Variants in NDE1 observed in about 807,000 individuals in gnomAD.
NDE1 encodes the protein nuclear distribution protein nudE homolog 1.
In NDE1, 28 loss-of-function variants were observed where a neutral mutation model predicts 43.4. The observed-to-expected ratio is 0.65, with a 90% confidence interval of 0.48 to 0.89. The LOEUF is 0.89. Among genes scored for constraint, NDE1 ranks in the 40% least tolerant of loss-of-function variants. NDE1 has a pLI of 0.00. For synonymous variants in NDE1, 184 were observed against 172.0 expected (o/e 1.07, Z -0.55); for missense variants, 441 against 434.1 (o/e 1.02, Z -0.14).
chr16:15,721,900 C>T (rs370660846), intron 8 of NDE1, among the ~76,000 whole-genome samples: 19 of 152,216 alleles, frequency 1.2e-4, no homozygotes, highest in African/African-American at 4.6e-4. Flanking sequence ...CTTTGTCACC[C>T]AGGCTGGAGT....
chr16:15,717,516 C>T (rs192443694), intron 8 of NDE1: 39 of 691,532 alleles, frequency 5.6e-5, no homozygotes, highest in African/African-American at 4.1e-4. Context: ...TCTTCCAGGC[C>T]GGGCGTGGTG....
At chr16:15,686,962 G>A in intron 4 of NDE1, 1 of 984,534 alleles carries the variant, frequency 1.0e-6, no homozygotes. Context: ...CTCCCAAAGG[G>A]CTGGGATTAC....
chr16:15,710,050 T>A (rs2039690594), intron 8 of NDE1, among the ~76,000 whole-genome samples: 1 of 152,224 alleles, frequency 6.6e-6, no homozygotes, highest in African/African-American at 2.4e-5. Flanking sequence ...GTGCCTGATT[T>A]TATGTTTTTG....
At chr16:15,697,982 ATTTT>A (rs887356734) in intron 8 of NDE1, among the ~76,000 whole-genome samples, 10 of 151,072 alleles carry the variant, frequency 6.6e-5, no homozygotes, top group Admixed American at 2.0e-4. Context: ...AATTTTTTGT[ATTTT>A]TAGTCGAGAC....
intron 3 of NDE1, among the ~76,000 whole-genome samples, chr16:15,674,206 C>T (rs2037747608): frequency 1.3e-5 from 2 of 152,092 alleles, no homozygotes; most frequent in African/African-American, 4.8e-5. Flanking sequence ...TTTTCTCTCC[C>T]TTTCCCTTCC....
intron 1 of NDE1, among the ~76,000 whole-genome samples, chr16:15,656,874 G>A (rs1477597027): frequency 2.0e-5 from 3 of 152,084 alleles, no homozygotes; most frequent in South Asian, 2.1e-4. Context: ...AAAGAAGGCA[G>A]TGTGGCTGGG....
rs2038410192 is a variant in NDE1, at chr16:15,685,859, G to A, written c.387-1516G>A. Among the ~76,000 whole-genome samples the A allele has an allele frequency of 2.6e-5, 4 of 152,072 alleles. No individual in the cohort carries two copies. The South Asian group carries it at 8.3e-4, about 32-fold the overall frequency. On this transcript the variant is annotated intron_variant, in intron 4 of 8. Transcript: ENST00000396354. ...GGATACAGTTAGCAGGTTGTGTAAG[G>A]TCTGGGGACAGACACAGGGTCAATA...
chr16:15,644,416 A>G (rs1213628648), intron 1 of NDE1, among the ~76,000 whole-genome samples: 2 of 152,196 alleles, frequency 1.3e-5, no homozygotes, highest in Non-Finnish European at 2.9e-5. Context: ...GCCTGTATTT[A>G]ATTTTCCAGA....
chr16:15,716,095 T>C (rs2040116950), intron 8 of NDE1, among the ~76,000 whole-genome samples: 1 of 151,960 alleles, frequency 6.6e-6, no homozygotes, highest in South Asian at 2.1e-4. Context: ...AGTGAGACTA[T>C]GTCTCAAAAA....
At chr16:15,679,868 T>A (rs888723097) in intron 4 of NDE1, among the ~76,000 whole-genome samples, 3 of 152,158 alleles carry the variant, frequency 2.0e-5, no homozygotes, top group Non-Finnish European at 4.4e-5. Context: ...AACTTCCACC[T>A]CCCAGATTCA....
chr16:15,706,783 T>C (rs922989421), intron 8 of NDE1, among the ~76,000 whole-genome samples: 1 of 152,204 alleles, frequency 6.6e-6, no homozygotes, highest in Admixed American at 6.5e-5. Flanking sequence ...CACTCTCTTT[T>C]TGGCTCTTGG....
intron 3 of NDE1, chr16:15,672,869 T>C (rs1024356314): frequency 6.6e-6 from 1 of 152,252 alleles, no homozygotes; most frequent in African/African-American, 2.4e-5. Flanking sequence ...GGTCTGCCTC[T>C]ACTTGCTGGG....
intron 8 of NDE1, chr16:15,721,441 T>C: frequency 1.9e-6 from 3 of 1,614,216 alleles, no homozygotes; most frequent in Non-Finnish European, 2.5e-6. Flanking sequence ...CACGTCATCC[T>C]TGGAGCTGAC....
rs1029467338 is a variant in NDE1, at chr16:15,726,120, G to C, written c.*1869G>C. On this transcript the variant is annotated 3_prime_UTR_variant, in exon 9 of 9. Transcript: ENST00000396354. Reference sequence around the variant, plus strand: ...CCTTTCGTGGCTCCTCCTCCCCCAGGTTAGGCCCCCTGGTTATTTACACTT... The same window carrying C: ...CCTTTCGTGGCTCCTCCTCCCCCAGCTTAGGCCCCCTGGTTATTTACACTT... 1 of 163,776 alleles carries C rather than the reference G, an allele frequency of 6.1e-6. No homozygotes were observed. Among genetic ancestry groups the C allele is most frequent in the Admixed American group, 6.4e-5 (1 of 15,548 alleles). The allele number at this position is 163,776 out of a possible 1,614,324, so 10.1% of individuals were successfully genotyped here. A position where few individuals can be genotyped will look rare whatever the true frequency, so the allele number is the denominator to read the frequency against.
Position 15,725,015 on chromosome 16 carries a change from T to C in NDE1, c.*764T>C, listed in dbSNP as rs2040680765. The C allele has an allele frequency of 6.2e-7, 1 of 1,605,138 alleles. No homozygotes were observed. On this transcript the variant is annotated 3_prime_UTR_variant, in exon 9 of 9. Coordinates refer to ENST00000396354, the MANE Select transcript of NDE1 (RefSeq NM_017668.3). The stretch of plus-strand genomic sequence containing the variant: ...ATTCTAAGGGTGCCAAGAGACTGGT[T>C]AGTCAAAGCCTCTAGAAGGGGATCC...
In NDE1 at chr16:15,667,420, T is replaced by C. The variant is rs778943871; in HGVS notation, c.218T>C (p.Met73Thr). The C allele has an allele frequency of 8.1e-6, 13 of 1,613,742 alleles. No homozygotes were observed. The highest frequency in any genetic ancestry group is 1.1e-5 in the Non-Finnish European group (13 of 1,179,808). ...CTGTCCGAAAATAACCGCCTTCGCATGGAGCTGGAAACCATCAAGGTGAGG... is the reference window on the plus strand; with the variant it reads ...CTGTCCGAAAATAACCGCCTTCGCACGGAGCTGGAAACCATCAAGGTGAGG... ...DLLSENNRLR[M>T]ELETIKEKFE... is the part of the protein sequence containing the mutation. Residue 73 changes from methionine to threonine, a missense_variant, in exon 3 of 9, where the codon ATG becomes ACG. Physicochemically the swap from Met to Thr is moderately conservative, Grantham distance 81 (BLOSUM62 -1). Coordinates refer to ENST00000396354, the MANE Select transcript of NDE1 (RefSeq NM_017668.3).
rs764520837 is a variant in NDE1 at position 15,719,201 on chromosome 16, C to T, written c.948-4990C>T. The T allele has an allele frequency of 1.2e-6, 2 of 1,611,410 alleles. No individual in the cohort carries two copies. The highest frequency in any genetic ancestry group is 2.2e-5 in the South Asian group (2 of 91,038). On this transcript the variant is annotated intron_variant, in intron 8 of 8. Coordinates refer to ENST00000396354, the MANE Select transcript of NDE1 (RefSeq NM_017668.3). ...CCATCCTCTGCTTCAGAGCCCTCTTCCTCCATTCAGTTTCCTACCTTCCCG... is the reference window on the plus strand; with the variant it reads ...CCATCCTCTGCTTCAGAGCCCTCTTTCTCCATTCAGTTTCCTACCTTCCCG...
chr16:15,722,385 C>A (rs1232968947), intron 8 of NDE1, among the ~76,000 whole-genome samples: 1 of 152,164 alleles, frequency 6.6e-6, no homozygotes, highest in Admixed American at 6.5e-5. Context: ...AGAGAACATT[C>A]CATGCTCACG....
chr16:15,677,027 C>G (rs1431995576), intron 3 of NDE1, among the ~76,000 whole-genome samples: 1 of 152,114 alleles, frequency 6.6e-6, no homozygotes, highest in Non-Finnish European at 1.5e-5. Flanking sequence ...CTATAGGAAT[C>G]TCAACCCTGT....
Sources: allele counts gnomAD v4.1 joint callset (sites outside exome capture counted in the v4.1 genomes callset), GRCh38; gene constraint gnomAD v4.1.1; transcripts MANE v1.5; gene names NCBI Gene and HGNC (gene_info 2026-07-23, HGNC 2026-07-21).